The following SUSD4 variants were observed in gnomAD, a reference collection of about 807,000 sequenced individuals.
The protein encoded by SUSD4 is sushi domain containing 4.
A neutral mutation model predicts 50.5 loss-of-function variants in SUSD4; 41 were observed. The observed-to-expected ratio is 0.81, with a 90% CI of 0.63 to 1.05. SUSD4 has a LOEUF of 1.05. Ranked by LOEUF, SUSD4 falls within the 50% of genes least tolerant of loss-of-function variation. SUSD4 has a pLI of 0.00. For synonymous variants in SUSD4, 257 were observed against 257.3 expected (o/e 1.00, Z 0.01); for missense variants, 580 against 634.7 (o/e 0.91, Z 0.93).
intron 2 of SUSD4, among the ~76,000 whole-genome samples, chr1:223,322,693 T>C (rs1666648541): frequency 6.6e-6 from 1 of 152,120 alleles, no homozygotes; most frequent in African/African-American, 2.4e-5. Flanking sequence ...TGTGTGCATA[T>C]GCATGCGAGG....
intron 2 of SUSD4, among the ~76,000 whole-genome samples, chr1:223,306,962 T>TGG (rs538837690): frequency 1.3e-4 from 20 of 149,198 alleles, no homozygotes; most frequent in South Asian, 6.4e-4. Context: ...TTTTTTTTTT[T>TGG]GGGGGGGGGT....
chr1:223,341,075 T>G (rs917058768), intron 2 of SUSD4, among the ~76,000 whole-genome samples: 24 of 152,234 alleles, frequency 1.6e-4, no homozygotes, highest in African/African-American at 4.6e-4. Flanking sequence ...TGTAATAATC[T>G]GGTGTTCTTT....
At chr1:223,279,811 G>GC (rs201700919) in intron 3 of SUSD4, among the ~76,000 whole-genome samples, 66,098 of 151,574 alleles carry the variant, frequency 0.44, 14,996 homozygotes, top group African/African-American at 0.57. Flanking sequence ...TTGAAATGAA[G>GC]GAAAAAATGT....
intron 3 of SUSD4, among the ~76,000 whole-genome samples, chr1:223,287,138 C>T (rs1035058279): frequency 3.9e-5 from 6 of 152,312 alleles, no homozygotes; most frequent in East Asian, 3.9e-4. Context: ...TACAGTGGCA[C>T]GATATCGGTT....
chr1:223,291,848 TA>T (rs1158930151), intron 3 of SUSD4, among the ~76,000 whole-genome samples: 1 of 152,194 alleles, frequency 6.6e-6, no homozygotes, highest in Non-Finnish European at 1.5e-5. Flanking sequence ...AAAAAGTATA[TA>T]AAGTTGTTTC....
At chr1:223,304,594 C>A (rs1224749269) in intron 2 of SUSD4, among the ~76,000 whole-genome samples, 10 of 151,282 alleles carry the variant, frequency 6.6e-5, no homozygotes, top group Non-Finnish European at 1.3e-4. Flanking sequence ...GGGTCACAGT[C>A]AAAAAGGTTT....
Position 223,223,496 on chromosome 1 carries a change from G to T in SUSD4, c.1197C>A (p.Gly399=), listed in dbSNP as rs76683056. The T allele has an allele frequency of 4.2e-3, 6,856 of 1,613,308 alleles. 224 individuals carry two copies. In the East Asian group the frequency reaches 0.085, roughly 20 times the overall value. ...CGTCCACGGGTAAGGGGCAGCCCTG[G>T]CCCACAGAGGCCATGTACCCGGGGC... is the stretch of plus-strand genomic sequence containing the variant. ...ALGPGYMASV[G]QGCPLPVDDQ... is the part of the protein sequence containing the mutation. Residue 399 remains glycine (G), a synonymous_variant, in exon 8 of 9, where the codon GGC becomes GGA. Transcript: ENST00000366878.
At chr1:223,334,201 G>A (rs1667331214) in intron 2 of SUSD4, among the ~76,000 whole-genome samples, 1 of 152,126 alleles carries the variant, frequency 6.6e-6, no homozygotes, top group Non-Finnish European at 1.5e-5. Context: ...ACAGAATGCT[G>A]TTTTAAAAGG....
chr1:223,221,184 T>A lies in SUSD4; in HGVS notation c.*1008A>T, dbSNP rs1659120093. The A allele has an allele frequency of 2.5e-6, 1 of 400,572 alleles. No individual in the cohort carries two copies. Among genetic ancestry groups the A allele is most frequent in the Admixed American group, 4.4e-5 (1 of 22,728 alleles). 24.8% of individuals were successfully genotyped at this position (400,572 alleles called of 1,614,324 possible). A position where few individuals can be genotyped will look rare whatever the true frequency, so the allele number is the denominator to read the frequency against. ...TTAGGACAAATAAAAGGGGGAAAAA[T>A]CCAACCTCACACTTCTTTTGAAGGT... On this transcript the variant is annotated 3_prime_UTR_variant, in exon 9 of 9. Coordinates refer to ENST00000366878, the MANE Select transcript of SUSD4 (RefSeq NM_017982.4).
At chr1:223,258,502 C>A (rs1244188463) in intron 5 of SUSD4, among the ~76,000 whole-genome samples, 1 of 151,208 alleles carries the variant, frequency 6.6e-6, no homozygotes, top group East Asian at 2.0e-4. Flanking sequence ...TCCATGTGGG[C>A]TCTGAGATGA....
chr1:223,268,013 T>TATA lies in SUSD4; in HGVS notation c.535+488_535+489insTAT, dbSNP rs1553291074. On this transcript the variant is annotated intron_variant, in intron 4 of 8. Transcript: ENST00000366878. Reference sequence around the variant, plus strand: ...AATTTTTCTGCTCTTCATGCATTTTTTATATATATATATATATATATATAT... The same window carrying TATA: ...AATTTTTCTGCTCTTCATGCATTTTTATATATATATATATATATATATATATAT... Among the ~76,000 whole-genome samples the TATA allele has an allele frequency of 9.1e-3, 485 of 53,306 alleles. 33 individuals carry two copies. The highest frequency in any genetic ancestry group is 0.043 in the African/African-American group (372 of 8,708). The allele number at this position is 53,306 out of a possible 152,430, so 35.0% of individuals were successfully genotyped here.
At chr1:223,293,466 T>C (rs921645568) in intron 2 of SUSD4, among the ~76,000 whole-genome samples, 1 of 152,084 alleles carries the variant, frequency 6.6e-6, no homozygotes, top group Non-Finnish European at 1.5e-5. Context: ...TCTACCACAG[T>C]GTCTTCTGTA....
chr1:223,286,830 G>C (rs561871796), intron 3 of SUSD4, among the ~76,000 whole-genome samples: 2 of 152,296 alleles, frequency 1.3e-5, no homozygotes, highest in Non-Finnish European at 2.9e-5. Context: ...TCAGATCAAG[G>C]AACCTCTCCC....
chr1:223,221,860 G>T lies in SUSD4; in HGVS notation c.*332C>A, dbSNP rs975943991. On this transcript the variant is annotated 3_prime_UTR_variant, in exon 9 of 9. Coordinates refer to ENST00000366878, the MANE Select transcript of SUSD4 (RefSeq NM_017982.4). ...GCGGGGAGTACTTGCCAGTCAATGG[G>T]ATGCGTGATGATTCGGTGGGATGTG... The T allele has an allele frequency of 2.3e-5, 6 of 261,442 alleles. No individual in the cohort carries two copies. Among genetic ancestry groups the T allele is most frequent in the Middle Eastern group, 1.1e-3 (1 of 892 alleles). 16.2% of individuals were successfully genotyped at this position (261,442 alleles called of 1,614,324 possible).
intron 5 of SUSD4, among the ~76,000 whole-genome samples, chr1:223,235,606 A>C (rs917545654): frequency 1.3e-5 from 2 of 150,958 alleles, no homozygotes; most frequent in African/African-American, 4.9e-5. Context: ...TATAGTTGGA[A>C]TAGGACAGTA....
chr1:223,285,306 C>T (rs1364721026), intron 3 of SUSD4, among the ~76,000 whole-genome samples: 1 of 152,104 alleles, frequency 6.6e-6, no homozygotes, highest in Non-Finnish European at 1.5e-5. Context: ...CCTTCAGTGA[C>T]TGGGGATGGG....
At chr1:223,363,650 A>T in intron 1 of SUSD4, 190 bp from the exon 2 acceptor site, 1 of 581,644 alleles carries the variant, frequency 1.7e-6, no homozygotes, top group Non-Finnish European at 2.8e-6. Flanking sequence ...GCACTGAGTA[A>T]CAGCCGCCGT....
chr1:223,230,257 G>A (rs565093096), intron 5 of SUSD4, among the ~76,000 whole-genome samples: 4 of 152,204 alleles, frequency 2.6e-5, no homozygotes, highest in African/African-American at 9.6e-5. Flanking sequence ...GCCACAAGGA[G>A]CTCATTCTTG....
chr1:223,261,567 C>T (rs1662123101), intron 5 of SUSD4, among the ~76,000 whole-genome samples: 1 of 152,220 alleles, frequency 6.6e-6, no homozygotes, highest in Admixed American at 6.5e-5. Context: ...AGTAGCCTGA[C>T]ACCTATGTAG....
Sources: gnomAD v4.1 joint callset for allele counts (sites outside exome capture counted in the v4.1 genomes callset) on GRCh38, gnomAD v4.1.1 for gene constraint, MANE v1.5 for transcripts, NCBI Gene and HGNC (gene_info 2026-07-23, HGNC 2026-07-21) for gene names.